RNF144A: variants seen among roughly 807,000 people sequenced by gnomAD.
RNF144A encodes E3 ubiquitin-protein ligase RNF144A.
In RNF144A, 11 loss-of-function variants were observed where a neutral mutation model predicts 38.7. The ratio of observed to expected loss-of-function variants is 0.28; its 90% CI spans 0.18 to 0.47. RNF144A has a LOEUF of 0.47. Among genes scored for constraint, RNF144A ranks in the 20% least tolerant of loss-of-function variants. The pLI is 0.99. For missense variants in RNF144A, 316 were observed against 377.2 expected (o/e 0.84, Z 1.34); for synonymous variants, 149 against 143.9 (o/e 1.04, Z -0.25).
chr2:7,043,980 A>G lies in RNF144A; in HGVS notation c.*4220A>G, dbSNP rs1673199652. 7 of 985,782 alleles carry G rather than the reference A, an allele frequency of 7.1e-6. 1 individual carries two copies. In the South Asian group the frequency reaches 2.8e-4, roughly 40 times the overall value. 61.1% of individuals were successfully genotyped at this position (985,782 alleles called of 1,614,324 possible). On this transcript the variant is annotated 3_prime_UTR_variant, in exon 9 of 9. Transcript: ENST00000320892. ...TTGAAATGTCAGTACATTTTGTGCC[A>G]CTAACACTGTGATGTATAAAAGAGC...
Position 7,039,785 on chromosome 2 carries a change from C to T in RNF144A, c.*25C>T. The T allele has an allele frequency of 1.2e-6, 2 of 1,610,034 alleles. No individual in the cohort carries two copies. The highest frequency in any genetic ancestry group is 1.7e-6 in the Non-Finnish European group (2 of 1,178,256). On this transcript the variant is annotated 3_prime_UTR_variant, in exon 9 of 9. Coordinates refer to ENST00000320892, the MANE Select transcript of RNF144A (RefSeq NM_014746.6). ...GAGGAAGCGCGATGCTGGAACACAT[C>T]CCTGCCTCCGGGAAGTGTGGCTCTC...
intron 2 of RNF144A, among the ~76,000 whole-genome samples, chr2:6,992,772 C>T (rs60290358): frequency 2.1e-3 from 323 of 152,332 alleles, no homozygotes; most frequent in African/African-American, 7.4e-3. Flanking sequence ...TGCTGAATCT[C>T]TCTACAGTGG....
rs1008471964 is a variant in RNF144A, at chr2:6,935,689, A to G, written c.-211-5259A>G. On this transcript the variant is annotated intron_variant, in intron 1 of 8. Coordinates refer to ENST00000320892, the MANE Select transcript of RNF144A (RefSeq NM_014746.6). ...TTTGGCTTCCAGTGTTAATGGTAACAGCATGTAGATGGGATGGCCTCTCAC... is the reference window on the plus strand; with the variant it reads ...TTTGGCTTCCAGTGTTAATGGTAACGGCATGTAGATGGGATGGCCTCTCAC... 2.7e-4 allele frequency among the ~76,000 whole-genome samples: 23 copies of G among 85,998 alleles called. 2 individuals carry two copies. The highest frequency in any genetic ancestry group is 4.6e-4 in the Non-Finnish European group (16 of 34,516). 56.4% of individuals were successfully genotyped at this position (85,998 alleles called of 152,430 possible).
At chr2:6,963,305 G>T (rs556093996) in intron 2 of RNF144A, among the ~76,000 whole-genome samples, 2 of 152,234 alleles carry the variant, frequency 1.3e-5, no homozygotes, top group African/African-American at 4.8e-5. Context: ...TGATTTGGGG[G>T]GCATGAAAGT....
rs10670138 is a variant in RNF144A, at chr2:7,052,838, A to AACACAC, written c.735-15359_735-15354dup. On this transcript the variant is annotated intron_variant, in intron 6 of 6. Coordinates refer to the RNF144A transcript ENST00000432850. ...TTCCTGCACAGGAGCCCCCCTTTCC[A>AACACAC]ACACACACACACACACACACACACC... Among the ~76,000 whole-genome samples the AACACAC allele has an allele frequency of 9.4e-3, 1,409 of 150,082 alleles. 10 individuals carry two copies. Among genetic ancestry groups the AACACAC allele is most frequent in the African/African-American group, 0.015 (606 of 40,878 alleles).
intron 2 of RNF144A, among the ~76,000 whole-genome samples, chr2:6,961,443 G>C (rs1394388013): frequency 6.6e-6 from 1 of 151,650 alleles, no homozygotes; most frequent in Non-Finnish European, 1.5e-5. Context: ...GACCTGCACT[G>C]AGTGCCTTCT....
chr2:7,033,257 A>G (rs1301008029), intron 8 of RNF144A, among the ~76,000 whole-genome samples: 1 of 152,252 alleles, frequency 6.6e-6, no homozygotes, highest in Admixed American at 6.5e-5. Flanking sequence ...CCCACGTGGC[A>G]TCAGCCGGGG....
chr2:7,031,003 T>G (rs1014726948), intron 8 of RNF144A, among the ~76,000 whole-genome samples: 1 of 152,142 alleles, frequency 6.6e-6, no homozygotes, highest in African/African-American at 2.4e-5. Flanking sequence ...CTAATGTCGC[T>G]GCTGATCTGA....
At chr2:7,056,937 T>A (rs1558468247) in intron 6 of RNF144A, among the ~76,000 whole-genome samples, 1 of 152,210 alleles carries the variant, frequency 6.6e-6, no homozygotes, top group Non-Finnish European at 1.5e-5. Context: ...GCCCCTCACC[T>A]TGGGGCTCTT....
chr2:6,960,049 C>G (rs1667242483), intron 2 of RNF144A, among the ~76,000 whole-genome samples: 2 of 152,258 alleles, frequency 1.3e-5, no homozygotes, highest in Non-Finnish European at 2.9e-5. Context: ...CACTCACATT[C>G]TGTGATTCCA....
At chr2:7,006,234 G>A (rs2103406355) in intron 3 of RNF144A, among the ~76,000 whole-genome samples, 1 of 151,896 alleles carries the variant, frequency 6.6e-6, no homozygotes, top group East Asian at 1.9e-4. Context: ...CAGAGCCCAG[G>A]GATGCTGTAG....
Position 7,040,704 on chromosome 2 carries a change from A to G in RNF144A, c.*944A>G, listed in dbSNP as rs1672992539. On this transcript the variant is annotated 3_prime_UTR_variant, in exon 9 of 9. Coordinates refer to ENST00000320892, the MANE Select transcript of RNF144A (RefSeq NM_014746.6). ...CAGTCTTCAGATAGACAGTAAGAAGAAAGCAGCCTCATTGATCCGCAGATG... is the reference window on the plus strand; with the variant it reads ...CAGTCTTCAGATAGACAGTAAGAAGGAAGCAGCCTCATTGATCCGCAGATG... 1.0e-6 allele frequency: 1 copy of G among 985,374 alleles called. No homozygotes were observed. The highest frequency in any genetic ancestry group is 6.1e-5 in the Admixed American group (1 of 16,274). The allele number at this position is 985,374 out of a possible 1,614,324, so 61.0% of individuals were successfully genotyped here.
intron 6 of RNF144A, among the ~76,000 whole-genome samples, chr2:7,056,828 TTGTG>T: frequency 6.6e-6 from 1 of 152,318 alleles, no homozygotes; most frequent in East Asian, 1.9e-4. Context: ...GCTTCCTTGT[TTGTG>T]TATCTCATGC....
chr2:7,053,627 TATTC>T (rs1673613514), intron 6 of RNF144A, among the ~76,000 whole-genome samples: 1 of 152,240 alleles, frequency 6.6e-6, no homozygotes, highest in Admixed American at 6.5e-5. Flanking sequence ...CATGGATGCT[TATTC>T]ATCAAATCAG....
At chr2:7,061,634 G>A (rs1275730458) in intron 6 of RNF144A, among the ~76,000 whole-genome samples, 3 of 152,182 alleles carry the variant, frequency 2.0e-5, no homozygotes, top group Non-Finnish European at 2.9e-5. Context: ...GTCTTCTGCT[G>A]TCAGAATTGC....
chr2:7,028,038 C>T (rs753696570), intron 7 of RNF144A, among the ~76,000 whole-genome samples: 4 of 152,036 alleles, frequency 2.6e-5, no homozygotes, highest in Non-Finnish European at 5.9e-5. Context: ...ATCTCCCTGA[C>T]GAGCCCCATA....
intron 2 of RNF144A, among the ~76,000 whole-genome samples, chr2:6,971,096 C>T (rs1440640365): frequency 1.3e-5 from 2 of 152,170 alleles, no homozygotes; most frequent in African/African-American, 4.8e-5. Flanking sequence ...AACAGAAATA[C>T]TCAGTGACTG....
chr2:6,990,741 A>T (rs529783714), intron 2 of RNF144A, among the ~76,000 whole-genome samples: 9 of 152,186 alleles, frequency 5.9e-5, no homozygotes, highest in Admixed American at 5.9e-4. Flanking sequence ...GGTGTTGCAC[A>T]TTCTGTGGGC....
downstream of RNF144A, chr2:7,068,389 CT>C: frequency 1.9e-6 from 1 of 518,458 alleles, no homozygotes; most frequent in South Asian, 1.7e-5. Context: ...TAATGATTGG[CT>C]TTTGGGCATT....
Sources: gnomAD v4.1 joint callset for allele counts (sites outside exome capture counted in the v4.1 genomes callset) on GRCh38, gnomAD v4.1.1 for gene constraint, MANE v1.5 for transcripts, NCBI Gene and HGNC (gene_info 2026-07-23, HGNC 2026-07-21) for gene names.